Variants in MYH9 observed in about 807,000 individuals in gnomAD.
MYH9 encodes myosin heavy chain 9, also known as myosin-9.
In MYH9, 29 loss-of-function variants were observed where a neutral mutation model predicts 241.9. The ratio of observed to expected loss-of-function variants is 0.12; its 90% CI spans 0.09 to 0.16. MYH9 has a LOEUF of 0.16. Ranked by LOEUF, MYH9 falls within the 10% of genes least tolerant of loss-of-function variation. The pLI is 1.00. For missense variants in MYH9, 1,803 were observed against 2,595.5 expected (o/e 0.69, Z 6.63); for synonymous variants, 1,047 against 1,062.6 (o/e 0.99, Z 0.29).
At position 36,289,123 on chromosome 22, in the gene MYH9, C is replaced by T. The variant is rs566978904; in HGVS notation, c.4519G>A (p.Glu1507Lys). 6.2e-7 allele frequency: 1 copy of T among 1,614,166 alleles called. No homozygotes were observed. Among genetic ancestry groups the T allele is most frequent in the African/African-American group, 1.3e-5 (1 of 75,068 alleles). ...TCATCCTTGGAGCTCATAAGGTCCT[C>T]CATCTCCGTGCGGAACTGCTTGTTG... is the stretch of plus-strand genomic sequence containing the variant. ...RLNKQFRTEM[E>K]DLMSSKDDVG... The change falls in exon 32 of 41, where the codon GAG (glutamate) becomes AAG (lysine). Residue 1507 changes from glutamate (E) to lysine (K), a missense_variant. By Grantham distance (56) the Glu-to-Lys change is moderately conservative. Coordinates refer to ENST00000216181, the MANE Select transcript of MYH9 (RefSeq NM_002473.6).
chr22:36,323,594 C>T (rs1316435322), intron 5 of MYH9, among the ~76,000 whole-genome samples: 1 of 152,140 alleles, frequency 6.6e-6, no homozygotes, highest in African/African-American at 2.4e-5. Context: ...CCCAGGAGAG[C>T]CATGGACCCT....
intron 3 of MYH9, 47 bp downstream of exon 3, chr22:36,341,323 C>A (rs780753804): frequency 6.2e-7 from 1 of 1,610,510 alleles, no homozygotes. Context: ...TCAATGAGGC[C>A]CCAGGTGAAG....
At chr22:36,301,144 C>T (rs2016871114) in intron 21 of MYH9, 87 bp from the exon 22 acceptor site, 5 of 1,328,110 alleles carry the variant, frequency 3.8e-6, no homozygotes, top group Non-Finnish European at 5.3e-6. Context: ...GCTCGGGATC[C>T]CAGAGGGAAA....
chr22:36,293,257 A>G lies in MYH9; in HGVS notation c.4095+72T>C. ...GGCCCAGCGGGCAGGGCTGTCCTGC[A>G]GTGCCCAGGCCAGTGCCCGGCCAGC... On this transcript the variant is annotated intron_variant, in intron 30 of 40. Transcript: ENST00000216181. The surrounding 1 kb of genome is among the most constrained non-coding windows in gnomAD (Gnocchi z 5.1). 1.9e-6 allele frequency: 3 copies of G among 1,599,128 alleles called. No individual in the cohort carries two copies. Among genetic ancestry groups the G allele is most frequent in the Non-Finnish European group, 1.7e-6 (2 of 1,170,292 alleles).
intron 3 of MYH9, among the ~76,000 whole-genome samples, chr22:36,340,817 A>G (rs886208493): frequency 6.6e-6 from 1 of 152,162 alleles, no homozygotes; most frequent in African/African-American, 2.4e-5. Context: ...GGGGACAGAC[A>G]GCCAGGGCGA....
intron 24 of MYH9, among the ~76,000 whole-genome samples, chr22:36,298,327 C>G (rs945852325): frequency 2.0e-5 from 3 of 152,142 alleles, no homozygotes; most frequent in Non-Finnish European, 2.9e-5. Context: ...ACCCCAGCAC[C>G]CCCTCCCTGC....
intron 19 of MYH9, among the ~76,000 whole-genome samples, chr22:36,303,331 T>TC (rs2016914336): frequency 6.6e-6 from 1 of 151,690 alleles, no homozygotes; most frequent in Non-Finnish European, 1.5e-5. Context: ...GATGGCCTGC[T>TC]CCCCTGGAAT....
intron 4 of MYH9, 118 bp from the exon 5 acceptor site, chr22:36,326,779 C>T (rs773170337): frequency 1.9e-5 from 16 of 843,802 alleles, no homozygotes; most frequent in East Asian, 5.0e-5. Context: ...AAGGACCCAA[C>T]GTGTGGCAGA....
chr22:36,380,225 A>G (rs1194585321), intron 1 of MYH9, among the ~76,000 whole-genome samples: 1 of 152,214 alleles, frequency 6.6e-6, no homozygotes, highest in African/African-American at 2.4e-5. Context: ...CAGCGCCGGC[A>G]GCTCCTCCCA....
rs538516500 is a variant in MYH9 at position 36,307,575 on chromosome 22, G to A, written c.1844-968C>T. On this transcript the variant is annotated intron_variant, in intron 15 of 40. Transcript: ENST00000216181. Reference sequence around the variant, plus strand: ...GACAGAAGCCAGGAGTGTGGATGGAGCCTACAAACCAGTCAATTAAAATGG... The same window carrying A: ...GACAGAAGCCAGGAGTGTGGATGGAACCTACAAACCAGTCAATTAAAATGG... 7.2e-5 allele frequency among the ~76,000 whole-genome samples: 11 copies of A among 152,332 alleles called. No homozygotes were observed. The East Asian group carries it at 1.2e-3, about 16-fold the overall frequency.
At chr22:36,366,543 A>C (rs2018014045) in intron 1 of MYH9, among the ~76,000 whole-genome samples, 1 of 152,156 alleles carries the variant, frequency 6.6e-6, no homozygotes, top group South Asian at 2.1e-4. Flanking sequence ...AAAAGGAGAG[A>C]GCCTCAGAGG....
At chr22:36,370,637 T>C (rs2018075304) in intron 1 of MYH9, among the ~76,000 whole-genome samples, 1 of 152,138 alleles carries the variant, frequency 6.6e-6, no homozygotes, top group Non-Finnish European at 1.5e-5. Flanking sequence ...AGTTCCTCCT[T>C]ACCGGTGTCA....
intron 3 of MYH9, among the ~76,000 whole-genome samples, chr22:36,340,091 G>C (rs2017560882): frequency 6.6e-6 from 1 of 152,076 alleles, no homozygotes; most frequent in South Asian, 2.1e-4. Flanking sequence ...GTTCCACATA[G>C]CTAGGAAGGT....
chr22:36,348,949 C>T lies in MYH9; in HGVS notation c.288G>A (p.Ser96=), dbSNP rs576963516. ...AACGCTCCTTGAGGTTGTGCAGCAC[C>T]GAGGCTTCGTTGAGGCACGTGAGCT... ...MAELTCLNEA[S]VLHNLKERYY... Residue 96 remains serine, a synonymous_variant, in exon 2 of 41, where the codon TCG becomes TCA. Transcript: ENST00000216181. The T allele has an allele frequency of 1.5e-5, 24 of 1,613,996 alleles. No homozygotes were observed. The highest frequency in any genetic ancestry group is 9.3e-5 in the African/African-American group (7 of 75,024).
intron 11 of MYH9, 22 bp from the exon 12 acceptor site, chr22:36,316,691 C>A (rs375096441): frequency 6.2e-7 from 1 of 1,613,080 alleles, no homozygotes; most frequent in East Asian, 2.2e-5. Flanking sequence ...ACCCGGGGAG[C>A]GTGGTGTCAG....
rs771459391 is a variant in MYH9 at position 36,314,217 on chromosome 22, G to A, written c.1482C>T (p.Arg494=). 6 of 1,614,104 alleles carry A rather than the reference G, an allele frequency of 3.7e-6. No homozygotes were observed. The highest frequency in any genetic ancestry group is 4.2e-6 in the Non-Finnish European group (5 of 1,180,042). ...MFILEQEEYQ[R]EGIEWNFIDF... ...CGATGAAGTTCCACTCGATGCCCTC[G>A]CGCTGGTACTCCTCCTGCTCCAGGA... Residue 494 remains arginine (R), a synonymous_variant, in exon 13 of 41, where the codon CGC becomes CGT. Transcript: ENST00000216181.
intron 12 of MYH9, 126 bp from the exon 13 acceptor site, chr22:36,314,444 C>A (rs2017117491): frequency 8.6e-7 from 1 of 1,166,256 alleles, no homozygotes. Context: ...CATGCCGCTG[C>A]CTTTAGAGCC....
Position 36,284,123 on chromosome 22 carries a change from C to T in MYH9, c.5735G>A (p.Arg1912His). The change falls in exon 40 of 41, where the codon CGC becomes CAC. Residue 1912 changes from arginine (R) to histidine (H), a missense_variant. Arg to His is a conservative substitution (Grantham distance 29, BLOSUM62 0). This residue lies in a region of MYH9 where 876 missense variants were observed against 1,077.8 expected (regional missense o/e 0.81). Transcript: ENST00000216181. ...DATETADAMNREVSSLKNKLR... is the reference protein window; with the variant it reads ...DATETADAMNHEVSSLKNKLR... ...CTTGTTCTTTAGGGAGCTGACTTCG[C>T]GGTTCATGGCATCGGCCGTCTCAGT... 6.2e-7 allele frequency: 1 copy of T among 1,614,210 alleles called. No individual in the cohort carries two copies. The highest frequency in any genetic ancestry group is 8.5e-7 in the Non-Finnish European group (1 of 1,180,028).
intron 1 of MYH9, among the ~76,000 whole-genome samples, chr22:36,378,432 C>G (rs1486167030): frequency 6.6e-6 from 1 of 152,148 alleles, no homozygotes; most frequent in African/African-American, 2.4e-5. Context: ...TCTGCCTGAT[C>G]CCAAAACTTT....
Sources: allele counts gnomAD v4.1 joint callset (sites outside exome capture counted in the v4.1 genomes callset), GRCh38; gene constraint gnomAD v4.1.1; regional missense constraint gnomAD v4.1.1; non-coding constraint Gnocchi (gnomAD v3.1); transcripts MANE v1.5; gene names NCBI Gene and HGNC (gene_info 2026-07-23, HGNC 2026-07-21).